Variants in NPIPB15 observed in about 807,000 individuals in gnomAD.
NPIPB15 encodes the protein nuclear pore complex interacting protein family member B15.
A neutral mutation model predicts 35.9 loss-of-function variants in NPIPB15; 5 were observed. That is an observed-to-expected ratio of 0.14 (90% CI 0.07 to 0.29). The LOEUF (loss-of-function observed/expected upper bound fraction) is 0.29. NPIPB15 is among the 10% of genes least tolerant of loss of function. The probability of loss-of-function intolerance (pLI) is 1.00; values close to 1 mark genes in which losing one functional copy is unlikely to be tolerated. For missense variants in NPIPB15, 100 were observed against 506.1 expected, an observed-to-expected ratio of 0.20 and a Z score of 7.70; for synonymous variants, 43 against 182.0, an observed-to-expected ratio of 0.24 and a Z score of 6.15.
At chr16:74,383,816 C>T (rs74537483) in intron 3 of NPIPB15, among the ~76,000 whole-genome samples, 67 of 151,772 alleles carry the variant, frequency 4.4e-4, no homozygotes, top group Non-Finnish European at 2.1e-4. Flanking sequence ...CTTGGGAGGC[C>T]GAGGCACAAG....
At chr16:74,379,736 C>T (rs1473538944) in intron 2 of NPIPB15, among the ~76,000 whole-genome samples, 10 of 152,130 alleles carry the variant, frequency 6.6e-5, no homozygotes, top group African/African-American at 1.9e-4. Flanking sequence ...ACTATAGGCA[C>T]GTGCCACCAT....
chr16:74,377,488 A>G (rs2011719816), intron 1 of NPIPB15, among the ~76,000 whole-genome samples, 142 bp downstream of exon 1: 1 of 152,032 alleles, frequency 6.6e-6, no homozygotes. Flanking sequence ...ATTGGTGGAG[A>G]GGGAGTATAA....
intron 3 of NPIPB15, among the ~76,000 whole-genome samples, chr16:74,384,958 G>A (rs1358176333): frequency 7.7e-6 from 1 of 129,236 alleles, no homozygotes. Context: ...TGGGATTACA[G>A]GAGTGAGTCA....
At chr16:74,386,586 G>A (rs2012295541) in intron 5 of NPIPB15, among the ~76,000 whole-genome samples, 1 of 143,140 alleles carries the variant, frequency 7.0e-6, no homozygotes, top group South Asian at 2.3e-4. Context: ...AGCCTCTTGA[G>A]TAGCTGGGAC....
chr16:74,377,394 G>A (rs2011714879), intron 1 of NPIPB15, among the ~76,000 whole-genome samples, 48 bp downstream of exon 1: 1 of 151,942 alleles, frequency 6.6e-6, no homozygotes, highest in Non-Finnish European at 1.5e-5. Context: ...GAGTGTGGGA[G>A]ACTGAGATGG....
At chr16:74,381,273 C>T in intron 2 of NPIPB15, 3 of 627,082 alleles carry the variant, frequency 4.8e-6, no homozygotes, top group Non-Finnish European at 8.1e-6. Flanking sequence ...GATTGGATAT[C>T]CCTGCTTTAT....
intron 2 of NPIPB15, among the ~76,000 whole-genome samples, chr16:74,378,603 G>A (rs1015338112): frequency 3.4e-5 from 5 of 149,096 alleles, no homozygotes; most frequent in East Asian, 2.0e-4. Flanking sequence ...TAGTAGAGAC[G>A]GGGTTTTACC....
intron 3 of NPIPB15, among the ~76,000 whole-genome samples, chr16:74,384,992 TGTGTGTGTGTG>T (rs1473760264): frequency 4.2e-4 from 6 of 14,218 alleles, no homozygotes; most frequent in African/African-American, 7.6e-4. Context: ...ATGTCATTCT[TGTGTGTGTGTG>T]TGTGTGTGTG....
At chr16:74,382,736 G>C (rs187358218) in intron 3 of NPIPB15, among the ~76,000 whole-genome samples, 2,570 of 152,034 alleles carry the variant, frequency 0.017, 67 homozygotes, top group African/African-American at 0.059. Flanking sequence ...CAAGGGAAGA[G>C]GAAGTATGTT....
intron 2 of NPIPB15, among the ~76,000 whole-genome samples, chr16:74,378,981 G>C (rs1164228644): frequency 4.6e-5 from 7 of 152,160 alleles, no homozygotes; most frequent in African/African-American, 1.4e-4. Flanking sequence ...TGTATTTTTA[G>C]TAGAGATAGG....
At chr16:74,379,656 C>T (rs1315412582) in intron 2 of NPIPB15, among the ~76,000 whole-genome samples, 1 of 150,456 alleles carries the variant, frequency 6.6e-6, no homozygotes, top group Non-Finnish European at 1.5e-5. Flanking sequence ...GTGGTGCGAT[C>T]TCGGCTCACT....
rs565747553 is a variant in NPIPB15 at position 74,376,729 on chromosome 16, A to G, written c.-640A>G. Among the ~76,000 whole-genome samples, 3 of 151,990 alleles carry G rather than the reference A, an allele frequency of 2.0e-5. No individual in the cohort carries two copies. In the South Asian group the frequency reaches 6.2e-4, roughly 32 times the overall value. On this transcript the variant is annotated 5_prime_UTR_variant, in exon 1 of 8. Transcript: ENST00000692376. ...TGGGTTAGGGGTGATTTGAGATCAC[A>G]CAACCTTGTGCCACAAAGAGGAATT... is the stretch of plus-strand genomic sequence containing the variant.
intron 2 of NPIPB15, among the ~76,000 whole-genome samples, chr16:74,381,148 C>CAA (rs1166274271): frequency 0.014 from 1,022 of 73,192 alleles, 18 homozygotes; most frequent in African/African-American, 0.054. Flanking sequence ...ACTCTGTCTC[C>CAA]AAAAAAAAAA....
intron 5 of NPIPB15, among the ~76,000 whole-genome samples, chr16:74,387,349 A>C (rs1179550196): frequency 6.7e-6 from 1 of 148,720 alleles, no homozygotes; most frequent in Non-Finnish European, 1.5e-5. Flanking sequence ...AATGAAACTC[A>C]GGGAAATGGA....
intron 2 of NPIPB15, among the ~76,000 whole-genome samples, chr16:74,378,894 AG>A (rs1345080756): frequency 6.6e-6 from 1 of 151,708 alleles, no homozygotes; most frequent in Non-Finnish European, 1.5e-5. Context: ...GCTGCTTCCC[AG>A]GTTCGAGCGA....
chr16:74,380,803 G>A (rs1482831740), intron 2 of NPIPB15, among the ~76,000 whole-genome samples: 2 of 149,804 alleles, frequency 1.3e-5, no homozygotes, highest in African/African-American at 4.9e-5. Flanking sequence ...CAGCCTGGGT[G>A]ACAGAGTGAG....
chr16:74,389,242 C>A (rs1451077882), intron 5 of NPIPB15, among the ~76,000 whole-genome samples: 1 of 148,246 alleles, frequency 6.7e-6, no homozygotes, highest in East Asian at 2.1e-4. Context: ...ATAAAAGATG[C>A]TCAATGAAGG....
intron 2 of NPIPB15, among the ~76,000 whole-genome samples, chr16:74,378,446 T>TA: frequency 8.3e-6 from 1 of 120,732 alleles, no homozygotes; most frequent in African/African-American, 3.3e-5. Context: ...TTTTTTTTTT[T>TA]GACAGAGTCT....
chr16:74,388,458 T>C, intron 5 of NPIPB15: 1 of 921,434 alleles, frequency 1.1e-6, no homozygotes, highest in Non-Finnish European at 1.3e-6. Flanking sequence ...TACTAAAGAA[T>C]AGGACTAACT....
Sources: allele counts gnomAD v4.1 joint callset (sites outside exome capture counted in the v4.1 genomes callset), GRCh38; gene constraint gnomAD v4.1.1; transcripts MANE v1.5; gene names NCBI Gene and HGNC (gene_info 2026-07-23, HGNC 2026-07-21).